Variants in SEPTIN14 observed in about 807,000 individuals in gnomAD.
SEPTIN14 encodes the protein septin-14.
Under a neutral mutation model 53.6 loss-of-function variants are expected in SEPTIN14, and 40 were observed. The ratio of observed to expected loss-of-function variants is 0.75; its 90% CI spans 0.58 to 0.97. The LOEUF (loss-of-function observed/expected upper bound fraction) is 0.97. Among genes scored for constraint, SEPTIN14 ranks in the 50% least tolerant of loss-of-function variants. SEPTIN14 has a pLI of 0.00. For synonymous variants in SEPTIN14, 138 were observed against 166.8 expected (o/e 0.83, Z 1.33); for missense variants, 471 against 508.2 (o/e 0.93, Z 0.70).
At chr7:55,820,897 G>C (rs375461588) in intron 6 of SEPTIN14, among the ~76,000 whole-genome samples, 1 of 152,022 alleles carries the variant, frequency 6.6e-6, no homozygotes, top group Non-Finnish European at 1.5e-5. Context: ...CTGAGATCGC[G>C]CCATTACATC....
intron 8 of SEPTIN14, among the ~76,000 whole-genome samples, chr7:55,806,004 CT>C (rs112357027): frequency 1.7e-4 from 26 of 149,108 alleles, no homozygotes; most frequent in East Asian, 5.9e-4. Context: ...TCCTATTCTT[CT>C]TTTTTTTTTG....
At chr7:55,822,856 C>CAAAAAAAAA (rs148179709) in intron 6 of SEPTIN14, among the ~76,000 whole-genome samples, 1 of 104,428 alleles carries the variant, frequency 9.6e-6, no homozygotes, top group Non-Finnish European at 2.0e-5. Flanking sequence ...CAGGGGAAAG[C>CAAAAAAAAA]AAAAAAAAAA....
intron 7 of SEPTIN14, among the ~76,000 whole-genome samples, chr7:55,811,621 C>T (rs1788707570): frequency 1.3e-5 from 2 of 150,172 alleles, no homozygotes; most frequent in South Asian, 4.2e-4. Context: ...CCTGCCTCAG[C>T]CCCCCAGGTA....
At chr7:55,806,646 A>G (rs1407338890) in intron 8 of SEPTIN14, among the ~76,000 whole-genome samples, 1 of 151,082 alleles carries the variant, frequency 6.6e-6, no homozygotes, top group East Asian at 2.0e-4. Flanking sequence ...TATTTTTAGT[A>G]GACACAGGGT....
chr7:55,832,387 C>T (rs113854624), intron 6 of SEPTIN14, among the ~76,000 whole-genome samples: 5,056 of 152,208 alleles, frequency 0.033, 113 homozygotes, highest in Non-Finnish European at 0.051. Context: ...TACCATTTGG[C>T]CCAGTGATTA....
intron 7 of SEPTIN14, among the ~76,000 whole-genome samples, chr7:55,813,011 G>A (rs186947149): frequency 7.3e-5 from 11 of 151,656 alleles, no homozygotes; most frequent in Admixed American, 2.6e-4. Context: ...GTGCAGTGGC[G>A]CAATCTCGGC....
chr7:55,838,362 G>C (rs1211724172), intron 5 of SEPTIN14, among the ~76,000 whole-genome samples: 1 of 152,160 alleles, frequency 6.6e-6, no homozygotes, highest in African/African-American at 2.4e-5. Context: ...AGTGGTACTA[G>C]TCAAACATCA....
chr7:55,851,341 C>T (rs1789511493), intron 2 of SEPTIN14, among the ~76,000 whole-genome samples: 1 of 152,048 alleles, frequency 6.6e-6, no homozygotes, highest in Non-Finnish European at 1.5e-5. Flanking sequence ...GCCCTGGCAA[C>T]CTCTCATCTG....
At chr7:55,854,681 G>A (rs1465852251) in intron 2 of SEPTIN14, among the ~76,000 whole-genome samples, 1 of 152,098 alleles carries the variant, frequency 6.6e-6, no homozygotes, top group Non-Finnish European at 1.5e-5. Context: ...GCCCACCTCG[G>A]CCTCCCAAAG....
intron 9 of SEPTIN14, chr7:55,798,592 C>A (rs1458621693): frequency 1.6e-5 from 6 of 381,688 alleles, no homozygotes; most frequent in Non-Finnish European, 3.1e-5. Flanking sequence ...GCAGCCCCAA[C>A]AAATGGGACA....
intron 7 of SEPTIN14, among the ~76,000 whole-genome samples, chr7:55,815,333 A>G (rs1420509251): frequency 6.6e-6 from 1 of 152,230 alleles, no homozygotes; most frequent in African/African-American, 2.4e-5. Flanking sequence ...AAGTGAAGAA[A>G]CAATACACAC....
At chr7:55,811,459 C>T in intron 7 of SEPTIN14, 1 of 330,676 alleles carries the variant, frequency 3.0e-6, no homozygotes, top group Non-Finnish European at 6.1e-6. Flanking sequence ...GGAAGGAAGG[C>T]AAACTCTTCT....
At chr7:55,818,190 G>A (rs1376296122) in intron 7 of SEPTIN14, among the ~76,000 whole-genome samples, 3 of 151,944 alleles carry the variant, frequency 2.0e-5, no homozygotes, top group Admixed American at 6.6e-5. Flanking sequence ...CATCATTTGA[G>A]GCTGGACACG....
At chr7:55,860,847 C>T (rs10258569) in intron 2 of SEPTIN14, among the ~76,000 whole-genome samples, 11,658 of 152,168 alleles carry the variant, frequency 0.077, 1,173 homozygotes, top group African/African-American at 0.23. Flanking sequence ...AGTAAGCCCC[C>T]ACCTGACACC....
At chr7:55,801,502 T>C (rs995458448) in intron 9 of SEPTIN14, among the ~76,000 whole-genome samples, 1 of 152,126 alleles carries the variant, frequency 6.6e-6, no homozygotes, top group Non-Finnish European at 1.5e-5. Flanking sequence ...GACTGGATCA[T>C]GAAGAAACTG....
At position 55,807,850 on chromosome 7, in the gene SEPTIN14, G is replaced by A. The variant is rs770798906; in HGVS notation, c.818-592C>T. Among the ~76,000 whole-genome samples the A allele has an allele frequency of 1.2e-3, 184 of 152,052 alleles. 1 individual carries two copies. The highest frequency in any genetic ancestry group is 2.1e-3 in the Non-Finnish European group (142 of 67,948). On this transcript the variant is annotated intron_variant, in intron 7 of 9. Transcript: ENST00000388975. ...AATTAGAAACTAAAAGAGAAGGCACGGAAAGCTATACTCCTATCACAGAAG... is the reference window on the plus strand; with the variant it reads ...AATTAGAAACTAAAAGAGAAGGCACAGAAAGCTATACTCCTATCACAGAAG...
intron 2 of SEPTIN14, among the ~76,000 whole-genome samples, chr7:55,849,791 T>C (rs1188065657): frequency 6.6e-6 from 1 of 151,968 alleles, no homozygotes; most frequent in Non-Finnish European, 1.5e-5. Context: ...AAACACAAAT[T>C]GCTCATAGCA....
intron 6 of SEPTIN14, among the ~76,000 whole-genome samples, chr7:55,827,163 G>A (rs1471853812): frequency 3.9e-5 from 6 of 152,292 alleles, no homozygotes; most frequent in South Asian, 2.1e-4. Flanking sequence ...GCACATGATC[G>A]CTCTCTCTGG....
intron 7 of SEPTIN14, among the ~76,000 whole-genome samples, chr7:55,809,451 G>A (rs1788662733): frequency 6.6e-6 from 1 of 151,496 alleles, no homozygotes; most frequent in African/African-American, 2.4e-5. Flanking sequence ...CACTTCCTGG[G>A]TTCAAGTGAT....
Sources: allele counts gnomAD v4.1 joint callset (sites outside exome capture counted in the v4.1 genomes callset), GRCh38; gene constraint gnomAD v4.1.1; transcripts MANE v1.5; gene names NCBI Gene and HGNC (gene_info 2026-07-23, HGNC 2026-07-21).